The following ACER3 variants were observed in gnomAD, a reference collection of about 807,000 sequenced individuals.
The protein encoded by ACER3 is alkaline ceramidase 3.
Under a neutral mutation model 48.9 loss-of-function variants are expected in ACER3, and 16 were observed. That is an observed-to-expected ratio of 0.33 (90% CI 0.22 to 0.50). The LOEUF is 0.50. Ranked by LOEUF, ACER3 falls within the 20% of genes least tolerant of loss-of-function variation. The pLI is 0.98. For missense variants in ACER3, 227 were observed against 326.0 expected (o/e 0.70, Z 2.34); for synonymous variants, 109 against 107.8 (o/e 1.01, Z -0.07).
chr11:76,865,511 AT>A (rs112234258), intron 1 of ACER3, among the ~76,000 whole-genome samples: 15,850 of 141,988 alleles, frequency 0.11, 1,000 homozygotes, highest in East Asian at 0.36. Flanking sequence ...CTCAGATTGC[AT>A]TTTTTTTTTT....
At chr11:76,974,667 A>T (rs940652527) in intron 3 of ACER3, among the ~76,000 whole-genome samples, 2 of 152,168 alleles carry the variant, frequency 1.3e-5, no homozygotes, top group Non-Finnish European at 2.9e-5. Context: ...AGCACATGCA[A>T]AGGTCCTGTG....
intron 2 of ACER3, among the ~76,000 whole-genome samples, chr11:76,947,898 A>T (rs1320569922): frequency 6.6e-6 from 1 of 152,182 alleles, no homozygotes; most frequent in Non-Finnish European, 1.5e-5. Context: ...GACAGGACCA[A>T]TCAGAGATGC....
chr11:76,879,741 CTT>C (rs1420986949), intron 1 of ACER3, among the ~76,000 whole-genome samples: 3 of 152,116 alleles, frequency 2.0e-5, no homozygotes, highest in Non-Finnish European at 4.4e-5. Context: ...GTTGGATAAA[CTT>C]TGTTTCGCTG....
Position 77,024,655 on chromosome 11 carries a change from T to A in ACER3, c.*4328T>A, listed in dbSNP as rs2135355829. ...ATCATTCAAGAACTTAAGTCGTTTGTTAGCTACAGCATTTCCATTGCTGTG... is the reference window on the plus strand; with the variant it reads ...ATCATTCAAGAACTTAAGTCGTTTGATAGCTACAGCATTTCCATTGCTGTG... On this transcript the variant is annotated 3_prime_UTR_variant, in exon 11 of 11. Transcript: ENST00000532485. 1 of 152,376 alleles carries A rather than the reference T, an allele frequency of 6.6e-6. No homozygotes were observed. The highest frequency in any genetic ancestry group is 6.5e-5 in the Admixed American group (1 of 15,310). 9.4% of individuals were successfully genotyped at this position (152,376 alleles called of 1,614,324 possible).
intron 1 of ACER3, among the ~76,000 whole-genome samples, chr11:76,890,921 A>T (rs1284011001): frequency 6.6e-6 from 1 of 151,938 alleles, no homozygotes. Context: ...GGAGTTCGAG[A>T]CCCGTGGCCA....
At chr11:76,994,956 C>T (rs149340945) in intron 6 of ACER3, among the ~76,000 whole-genome samples, 3 of 152,108 alleles carry the variant, frequency 2.0e-5, no homozygotes, top group East Asian at 3.9e-4. Context: ...CATTGAAAGG[C>T]TACCTAGGGG....
chr11:76,949,673 A>G (rs1947583641), intron 2 of ACER3, among the ~76,000 whole-genome samples: 3 of 151,906 alleles, frequency 2.0e-5, no homozygotes, highest in South Asian at 4.2e-4. Flanking sequence ...TTATTTTCCT[A>G]TTTGTGGTGA....
chr11:76,956,986 A>G (rs1002652214), intron 2 of ACER3, among the ~76,000 whole-genome samples: 3 of 152,124 alleles, frequency 2.0e-5, no homozygotes, highest in Admixed American at 6.5e-5. Flanking sequence ...TTATTTAATG[A>G]CGCCCCTACT....
chr11:76,926,089 G>T (rs9919623), intron 1 of ACER3, among the ~76,000 whole-genome samples: 16,275 of 152,140 alleles, frequency 0.11, 2,875 homozygotes, highest in African/African-American at 0.37. Context: ...AACATTACTA[G>T]AAAATGAAAT....
intron 8 of ACER3, among the ~76,000 whole-genome samples, chr11:77,016,080 C>T (rs184261148): frequency 4.9e-5 from 7 of 142,562 alleles, no homozygotes; most frequent in Admixed American, 1.5e-4. Context: ...GTACTCCAGC[C>T]TGGGCGACAG....
rs572047238 is a variant in ACER3, at chr11:77,021,119, C to T, written c.*792C>T. The T allele has an allele frequency of 3.9e-5, 6 of 152,216 alleles. No individual in the cohort carries two copies. The highest frequency in any genetic ancestry group is 1.3e-4 in the Admixed American group (2 of 15,276). 9.4% of individuals were successfully genotyped at this position (152,216 alleles called of 1,614,324 possible). On this transcript the variant is annotated 3_prime_UTR_variant, in exon 11 of 11. Coordinates refer to ENST00000532485, the MANE Select transcript of ACER3 (RefSeq NM_018367.7). Reference sequence around the variant, plus strand: ...GATCTTTAAGTTGTCACTGTTTCTACGGCTAGACAAATATGACTGGTGGTC... The same window carrying T: ...GATCTTTAAGTTGTCACTGTTTCTATGGCTAGACAAATATGACTGGTGGTC...
chr11:76,916,668 C>A (rs183308184), intron 1 of ACER3, among the ~76,000 whole-genome samples: 1 of 152,138 alleles, frequency 6.6e-6, no homozygotes, highest in Non-Finnish European at 1.5e-5. Flanking sequence ...ATCAAAATAA[C>A]CATTTTCAGA....
Position 76,924,985 on chromosome 11 carries a change from A to AC in ACER3, c.104-1572_104-1571insC, listed in dbSNP as rs1013333154. ...AGGAAGACTCTGTCAAAAAAAAAAAAAAAAAAAACACCAAAAATTTGTCTA... is the reference window on the plus strand; with the variant it reads ...AGGAAGACTCTGTCAAAAAAAAAAAACAAAAAAAACACCAAAAATTTGTCTA... On this transcript the variant is annotated intron_variant, in intron 1 of 10. Transcript: ENST00000532485. Among the ~76,000 whole-genome samples the AC allele has an allele frequency of 3.3e-4, 50 of 150,996 alleles. 1 individual carries two copies. Among genetic ancestry groups the AC allele is most frequent in the Admixed American group, 2.9e-3 (44 of 15,184 alleles).
chr11:76,888,376 C>T (rs1378042410), intron 1 of ACER3, among the ~76,000 whole-genome samples: 1 of 152,154 alleles, frequency 6.6e-6, no homozygotes, highest in African/African-American at 2.4e-5. Context: ...CAGTCTCTTA[C>T]TTTCAGTAAT....
chr11:77,004,372 C>A (rs543442700), intron 7 of ACER3, among the ~76,000 whole-genome samples: 1 of 152,208 alleles, frequency 6.6e-6, no homozygotes, highest in Admixed American at 6.5e-5. Flanking sequence ...AGTCAAGAGC[C>A]AGTCCTTTCT....
chr11:76,902,074 T>C (rs567475822), intron 1 of ACER3, among the ~76,000 whole-genome samples: 79 of 152,188 alleles, frequency 5.2e-4, no homozygotes, highest in Admixed American at 2.5e-3. Context: ...ATAGGGTACT[T>C]TTGTTTGCAT....
intron 1 of ACER3, among the ~76,000 whole-genome samples, chr11:76,863,041 C>A (rs1287714125): frequency 6.6e-6 from 1 of 151,970 alleles, no homozygotes; most frequent in Non-Finnish European, 1.5e-5. Context: ...GCCTGGGCAA[C>A]ATAGTGAGAC....
At chr11:76,882,162 G>A (rs371738833) in intron 1 of ACER3, among the ~76,000 whole-genome samples, 33 of 151,640 alleles carry the variant, frequency 2.2e-4, no homozygotes, top group African/African-American at 7.8e-4. Context: ...CCGCCACCAC[G>A]CCCGGCTAAT....
At position 76,945,117 on chromosome 11, in the gene ACER3, A is replaced by G. The variant is rs977458831; in HGVS notation, c.215-13862A>G. 6.6e-4 allele frequency among the ~76,000 whole-genome samples: 99 copies of G among 150,768 alleles called. 2 individuals are homozygous for G. Among genetic ancestry groups the G allele is most frequent in the Admixed American group, 6.5e-3 (99 of 15,166 alleles). On this transcript the variant is annotated intron_variant, in intron 2 of 10. Transcript: ENST00000532485. Reference sequence around the variant, plus strand: ...GGTAAATTTCTCATTTATATCCTGAATTGTTTTTCTGATTTATTTGTATTG... The same window carrying G: ...GGTAAATTTCTCATTTATATCCTGAGTTGTTTTTCTGATTTATTTGTATTG...
Sources: allele counts gnomAD v4.1 joint callset (sites outside exome capture counted in the v4.1 genomes callset), GRCh38; gene constraint gnomAD v4.1.1; transcripts MANE v1.5; gene names NCBI Gene and HGNC (gene_info 2026-07-23, HGNC 2026-07-21).